The following CYP39A1 variants were observed in gnomAD, a reference collection of about 807,000 sequenced individuals.
CYP39A1 encodes 24-hydroxycholesterol 7-alpha-hydroxylase.
A neutral mutation model predicts 58.1 loss-of-function variants in CYP39A1; 49 were observed. The observed-to-expected ratio is 0.84, with a 90% CI of 0.67 to 1.07. The LOEUF is 1.07. Among genes scored for constraint, CYP39A1 ranks in the 50% least tolerant of loss-of-function variants. CYP39A1 has a pLI of 0.00. For missense variants in CYP39A1, 531 were observed against 539.4 expected, an observed-to-expected ratio of 0.98 and a Z score of 0.16; for synonymous variants, 209 against 187.6, an observed-to-expected ratio of 1.11 and a Z score of -0.93.
chr6:46,560,560 T>A lies in CYP39A1; in HGVS notation c.1251-6706A>T, dbSNP rs117948942. ...GAGGGAATTGTAATCTGGAGCTCAGTTTTGGACTTAAGTACAGCTCTCTAT... is the reference window on the plus strand; with the variant it reads ...GAGGGAATTGTAATCTGGAGCTCAGATTTGGACTTAAGTACAGCTCTCTAT... On this transcript the variant is annotated intron_variant, in intron 10 of 11. Coordinates refer to ENST00000275016, the MANE Select transcript of CYP39A1 (RefSeq NM_016593.5). Among the ~76,000 whole-genome samples the A allele has an allele frequency of 1.8e-3, 279 of 152,244 alleles. 5 individuals are homozygous for A. In the South Asian group the frequency reaches 0.027, roughly 15 times the overall value.
intron 11 of CYP39A1, among the ~76,000 whole-genome samples, chr6:46,552,642 A>G (rs890153024): frequency 6.6e-6 from 1 of 152,158 alleles, no homozygotes; most frequent in African/African-American, 2.4e-5. Context: ...GCCCCAATTT[A>G]AATAGCACCC....
At chr6:46,583,645 T>C (rs1772285146) in intron 10 of CYP39A1, 2 of 963,826 alleles carry the variant, frequency 2.1e-6, no homozygotes, top group Non-Finnish European at 2.5e-6. Flanking sequence ...ACTAGAAAGA[T>C]TTTCTTCCAT....
intron 7 of CYP39A1, among the ~76,000 whole-genome samples, chr6:46,604,462 A>C (rs978358356): frequency 6.6e-6 from 1 of 152,242 alleles, no homozygotes; most frequent in Non-Finnish European, 1.5e-5. Flanking sequence ...AAAGTAAAAC[A>C]GGCACAGGAA....
chr6:46,570,304 A>T (rs1441017518), intron 10 of CYP39A1, among the ~76,000 whole-genome samples: 1 of 151,894 alleles, frequency 6.6e-6, no homozygotes, highest in Non-Finnish European at 1.5e-5. Flanking sequence ...GACTTTTTAA[A>T]TTGTTTTTCT....
At chr6:46,580,900 G>A (rs1256999559) in intron 10 of CYP39A1, among the ~76,000 whole-genome samples, 1 of 152,188 alleles carries the variant, frequency 6.6e-6, no homozygotes, top group Non-Finnish European at 1.5e-5. Flanking sequence ...CATTGCTGAT[G>A]AGAATGTAAA....
At chr6:46,603,768 C>A (rs1027510657) in intron 7 of CYP39A1, among the ~76,000 whole-genome samples, 1 of 152,170 alleles carries the variant, frequency 6.6e-6, no homozygotes, top group Non-Finnish European at 1.5e-5. Context: ...ACCTTATGTT[C>A]CATAAAGGCT....
At chr6:46,603,244 A>G (rs1773626772) in intron 7 of CYP39A1, among the ~76,000 whole-genome samples, 1 of 152,230 alleles carries the variant, frequency 6.6e-6, no homozygotes, top group Non-Finnish European at 1.5e-5. Flanking sequence ...CAAATTCACT[A>G]TGCCAAAGGG....
intron 7 of CYP39A1, among the ~76,000 whole-genome samples, chr6:46,605,383 A>G (rs1199256488): frequency 6.6e-6 from 1 of 152,166 alleles, no homozygotes; most frequent in Non-Finnish European, 1.5e-5. Flanking sequence ...AACCTAGTAG[A>G]GTGTCAAGGA....
At chr6:46,551,734 G>A (rs912786528) in intron 11 of CYP39A1, among the ~76,000 whole-genome samples, 2 of 152,126 alleles carry the variant, frequency 1.3e-5, no homozygotes, top group African/African-American at 4.8e-5. Flanking sequence ...CCCTGCACCT[G>A]ACAACAGAGT....
intron 1 of CYP39A1, among the ~76,000 whole-genome samples, chr6:46,643,087 C>A (rs1776442941): frequency 6.6e-6 from 1 of 152,096 alleles, no homozygotes. Context: ...TTTATCAGAT[C>A]ACTCTTAGCA....
chr6:46,553,714 G>T, intron 11 of CYP39A1, 53 bp downstream of exon 11: 1 of 1,221,598 alleles, frequency 8.2e-7, no homozygotes, highest in Non-Finnish European at 1.2e-6. Context: ...AGTGGGGGTG[G>T]TTATGTCATA....
At chr6:46,612,446 A>G (rs992589546) in intron 7 of CYP39A1, among the ~76,000 whole-genome samples, 1 of 152,226 alleles carries the variant, frequency 6.6e-6, no homozygotes, top group African/African-American at 2.4e-5. Flanking sequence ...ATAGTTTCAA[A>G]TGAACTTTCT....
chr6:46,572,195 T>C (rs1451009886), intron 10 of CYP39A1, among the ~76,000 whole-genome samples: 4 of 152,062 alleles, frequency 2.6e-5, no homozygotes, highest in Non-Finnish European at 5.9e-5. Context: ...GTTAAAAACA[T>C]ATTTATATAA....
At chr6:46,598,872 G>A (rs939523125) in intron 7 of CYP39A1, among the ~76,000 whole-genome samples, 13 of 151,994 alleles carry the variant, frequency 8.6e-5, no homozygotes, top group South Asian at 4.1e-4. Flanking sequence ...AGCAGTGCCC[G>A]GTATGTACTA....
rs1201998224 is a variant in CYP39A1, at chr6:46,550,451, T to G, written c.1339-14A>C. ...ATGGAGATAACTCTAAAAACAGAAATGCAGAAGAAATAGAAATTAAGAGAC... is the reference window on the plus strand; with the variant it reads ...ATGGAGATAACTCTAAAAACAGAAAGGCAGAAGAAATAGAAATTAAGAGAC... On this transcript the variant is annotated splice_polypyrimidine_tract_variant and intron_variant, in intron 11 of 11. Transcript: ENST00000275016. 6.2e-7 allele frequency: 1 copy of G among 1,606,190 alleles called. No individual in the cohort carries two copies. Among genetic ancestry groups the G allele is most frequent in the Admixed American group, 1.7e-5 (1 of 59,108 alleles).
At chr6:46,619,971 A>C (rs913076396) in intron 7 of CYP39A1, among the ~76,000 whole-genome samples, 4 of 152,178 alleles carry the variant, frequency 2.6e-5, no homozygotes, top group Admixed American at 1.3e-4. Flanking sequence ...GTCAGTAAAA[A>C]TAGCAGAGCA....
intron 5 of CYP39A1, 146 bp downstream of exon 5, chr6:46,636,243 G>A (rs1775982130): frequency 3.5e-6 from 2 of 574,386 alleles, no homozygotes; most frequent in African/African-American, 3.9e-5. Context: ...ATGTAACAGT[G>A]AAATAATGTA....
chr6:46,637,166 C>T (rs1776040218), intron 4 of CYP39A1, among the ~76,000 whole-genome samples: 1 of 152,130 alleles, frequency 6.6e-6, no homozygotes. Context: ...ACCATGCTGG[C>T]CCGCTCATTT....
intron 10 of CYP39A1, among the ~76,000 whole-genome samples, chr6:46,584,258 T>C (rs1772327833): frequency 6.6e-6 from 1 of 152,172 alleles, no homozygotes; most frequent in Non-Finnish European, 1.5e-5. Context: ...GTTTCTTAAA[T>C]AGGTCACATG....
Sources: allele counts gnomAD v4.1 joint callset (sites outside exome capture counted in the v4.1 genomes callset), GRCh38; gene constraint gnomAD v4.1.1; transcripts MANE v1.5; gene names NCBI Gene and HGNC (gene_info 2026-07-23, HGNC 2026-07-21).